Variants in GPC5 observed in about 807,000 individuals in gnomAD.
GPC5 encodes the protein glypican 5.
In GPC5, 47 loss-of-function variants were observed where a neutral mutation model predicts 53.9. The ratio of observed to expected loss-of-function variants is 0.87; its 90% CI spans 0.69 to 1.11. GPC5 has a LOEUF of 1.11. GPC5 is among the 50% of genes most tolerant of loss of function. GPC5 has a pLI of 0.00. For synonymous variants in GPC5, 286 were observed against 263.3 expected (o/e 1.09, Z -0.84); for missense variants, 748 against 713.1 (o/e 1.05, Z -0.56).
intron 2 of GPC5, among the ~76,000 whole-genome samples, chr13:91,613,742 G>A (rs2033622712): frequency 6.6e-6 from 1 of 152,130 alleles, no homozygotes; most frequent in Non-Finnish European, 1.5e-5. Flanking sequence ...ATATCTTGTA[G>A]GTTTTGGATT....
chr13:91,482,864 G>T (rs1566439100), intron 2 of GPC5, among the ~76,000 whole-genome samples: 4 of 142,334 alleles, frequency 2.8e-5, no homozygotes, highest in Admixed American at 7.1e-5. Flanking sequence ...GAGAATGCAG[G>T]TTTTTTTTTT....
intron 2 of GPC5, among the ~76,000 whole-genome samples, chr13:91,450,666 T>A (rs1222953380): frequency 6.6e-6 from 1 of 152,202 alleles, no homozygotes; most frequent in Non-Finnish European, 1.5e-5. Flanking sequence ...TAATTTTATG[T>A]AAACCTTTGT....
At chr13:91,653,375 G>A (rs1448354889) in intron 2 of GPC5, among the ~76,000 whole-genome samples, 1 of 152,124 alleles carries the variant, frequency 6.6e-6, no homozygotes, top group Non-Finnish European at 1.5e-5. Flanking sequence ...ACCAGAGCCT[G>A]GGAAGGGTAG....
intron 5 of GPC5, among the ~76,000 whole-genome samples, chr13:91,812,813 A>G: frequency 6.6e-6 from 1 of 152,196 alleles, no homozygotes; most frequent in East Asian, 1.9e-4. Context: ...ATAAACCTCA[A>G]TAGCAGAAAT....
chr13:91,738,275 G>C (rs2036856048), intron 4 of GPC5, among the ~76,000 whole-genome samples: 1 of 151,402 alleles, frequency 6.6e-6, no homozygotes, highest in African/African-American at 2.5e-5. Context: ...AAAATAACCA[G>C]TTCAAAGTAA....
intron 7 of GPC5, among the ~76,000 whole-genome samples, chr13:92,727,790 G>C (rs1888685801): frequency 6.6e-6 from 1 of 151,206 alleles, no homozygotes; most frequent in Admixed American, 6.6e-5. Context: ...GCTTTCTTTA[G>C]ACTGCAGCCT....
At chr13:92,736,693 T>G (rs1291295009) in intron 7 of GPC5, among the ~76,000 whole-genome samples, 1 of 151,950 alleles carries the variant, frequency 6.6e-6, no homozygotes, top group Non-Finnish European at 1.5e-5. Context: ...ACAATCTTTT[T>G]ATTTATCTCT....
At chr13:91,432,215 GTGT>G (rs1477501217) in intron 1 of GPC5, among the ~76,000 whole-genome samples, 29 of 127,464 alleles carry the variant, frequency 2.3e-4, no homozygotes, top group African/African-American at 1.1e-3. Context: ...GTGTGTGTGT[GTGT>G]GTGTGTGTGT....
At chr13:92,414,815 C>G (rs2209834) in intron 7 of GPC5, among the ~76,000 whole-genome samples, 55,396 of 152,032 alleles carry the variant, frequency 0.36, 10,378 homozygotes, top group Non-Finnish European at 0.39. Flanking sequence ...TCTTCTAGTT[C>G]GGTCCACCTT....
At position 92,306,630 on chromosome 13, in the gene GPC5, C is replaced by A. The variant is rs150704161; in HGVS notation, c.1561+161641C>A. ...GCAGTGAATGGTGGCCCCAGAGGGCCTTACCTAACTTACTCTCAAAACTTT... is the reference window on the plus strand; with the variant it reads ...GCAGTGAATGGTGGCCCCAGAGGGCATTACCTAACTTACTCTCAAAACTTT... On this transcript the variant is annotated intron_variant, in intron 7 of 7. Transcript: ENST00000377067. Among the ~76,000 whole-genome samples, 466 of 152,312 alleles carry A rather than the reference C, an allele frequency of 3.1e-3. 2 individuals carry two copies. The highest frequency in any genetic ancestry group is 0.01 in the African/African-American group (432 of 41,566).
At chr13:92,692,321 G>C (rs554990899) in intron 7 of GPC5, among the ~76,000 whole-genome samples, 1 of 152,154 alleles carries the variant, frequency 6.6e-6, no homozygotes, top group African/African-American at 2.4e-5. Flanking sequence ...ATTGTGAATA[G>C]TGCTGCAATG....
chr13:91,732,223 A>T (rs1035904159), intron 4 of GPC5, among the ~76,000 whole-genome samples: 2 of 152,178 alleles, frequency 1.3e-5, no homozygotes, highest in Admixed American at 6.5e-5. Flanking sequence ...AATGATCGCC[A>T]TTCTGACTGG....
chr13:92,131,992 T>C (rs1479482488), intron 6 of GPC5, among the ~76,000 whole-genome samples: 1 of 152,144 alleles, frequency 6.6e-6, no homozygotes, highest in Non-Finnish European at 1.5e-5. Context: ...TATTTTTATA[T>C]CCATACACTC....
chr13:91,792,970 CT>C (rs1313493971), intron 5 of GPC5, among the ~76,000 whole-genome samples: 1 of 152,108 alleles, frequency 6.6e-6, no homozygotes, highest in Non-Finnish European at 1.5e-5. Context: ...GAAAGTCCAT[CT>C]TTTCGAGGCC....
intron 5 of GPC5, among the ~76,000 whole-genome samples, chr13:91,773,867 A>G (rs2037666544): frequency 6.6e-6 from 1 of 152,218 alleles, no homozygotes; most frequent in South Asian, 2.1e-4. Context: ...ATAATTTATC[A>G]TTCTTTCTCA....
chr13:91,835,665 A>G (rs1375357343), intron 5 of GPC5, among the ~76,000 whole-genome samples: 1 of 151,924 alleles, frequency 6.6e-6, no homozygotes, highest in Non-Finnish European at 1.5e-5. Context: ...GTTCTCACTC[A>G]TAAGTGGGAG....
At chr13:92,069,513 C>G (rs919855127) in intron 6 of GPC5, among the ~76,000 whole-genome samples, 1 of 150,188 alleles carries the variant, frequency 6.7e-6, no homozygotes, top group Non-Finnish European at 1.5e-5. Context: ...ATGCTTTATA[C>G]CTCATGGCAT....
At chr13:91,633,496 G>T (rs1157229704) in intron 2 of GPC5, among the ~76,000 whole-genome samples, 2 of 152,046 alleles carry the variant, frequency 1.3e-5, no homozygotes, top group Non-Finnish European at 2.9e-5. Context: ...TATTCACTCT[G>T]CCAATTCTTA....
intron 7 of GPC5, among the ~76,000 whole-genome samples, chr13:92,148,721 T>C (rs934900882): frequency 2.0e-5 from 3 of 152,168 alleles, no homozygotes; most frequent in South Asian, 2.1e-4. Flanking sequence ...CACCTGCCAT[T>C]CTTTCACAGT....
Sources: allele counts gnomAD v4.1 joint callset (sites outside exome capture counted in the v4.1 genomes callset), GRCh38; gene constraint gnomAD v4.1.1; transcripts MANE v1.5; gene names NCBI Gene and HGNC (gene_info 2026-07-23, HGNC 2026-07-21).